Variants in CAMK1D observed in about 807,000 individuals in gnomAD.
The protein encoded by CAMK1D is calcium/calmodulin dependent protein kinase ID.
In CAMK1D, 9 loss-of-function variants were observed where a neutral mutation model predicts 47.7. The ratio of observed to expected loss-of-function variants is 0.19; its 90% CI spans 0.11 to 0.33. CAMK1D has a LOEUF of 0.33. CAMK1D is among the 10% of genes least tolerant of loss of function. The pLI is 1.00. For missense variants in CAMK1D, 291 were observed against 488.7 expected (o/e 0.60, Z 3.81); for synonymous variants, 184 against 184.9 (o/e 0.99, Z 0.04).
At chr10:12,431,818 T>C (rs1009631062) in intron 1 of CAMK1D, among the ~76,000 whole-genome samples, 6 of 152,228 alleles carry the variant, frequency 3.9e-5, no homozygotes, top group African/African-American at 1.2e-4. Context: ...ATTTTAAGAT[T>C]TACAACCTTC....
intron 2 of CAMK1D, among the ~76,000 whole-genome samples, chr10:12,653,689 G>T (rs1183754921): frequency 6.6e-6 from 1 of 152,222 alleles, no homozygotes; most frequent in Non-Finnish European, 1.5e-5. Flanking sequence ...ACTGAAATTA[G>T]ATGGTTGTTC....
At chr10:12,626,462 A>G (rs1301244835) in intron 2 of CAMK1D, among the ~76,000 whole-genome samples, 1 of 143,312 alleles carries the variant, frequency 7.0e-6, no homozygotes, top group African/African-American at 2.5e-5. Flanking sequence ...GTATTCACCA[A>G]TTTTCTTTCT....
intron 1 of CAMK1D, among the ~76,000 whole-genome samples, chr10:12,521,552 T>C (rs1444637566): frequency 6.6e-6 from 1 of 152,224 alleles, no homozygotes; most frequent in Non-Finnish European, 1.5e-5. Flanking sequence ...CATGTGTGCT[T>C]AAAAAGACTT....
At chr10:12,446,313 AATTATTCATGCCT>A (rs1832924046) in intron 1 of CAMK1D, among the ~76,000 whole-genome samples, 3 of 152,176 alleles carry the variant, frequency 2.0e-5, no homozygotes, top group Non-Finnish European at 2.9e-5. Context: ...ACAAGGGGTG[AATTATTCATGCCT>A]CCCCTTTTTA....
At chr10:12,780,609 C>G (rs1016585782) in intron 5 of CAMK1D, among the ~76,000 whole-genome samples, 1 of 152,134 alleles carries the variant, frequency 6.6e-6, no homozygotes, top group Non-Finnish European at 1.5e-5. Context: ...TTCCCCATAG[C>G]GCCTCTGTTC....
chr10:12,653,958 A>G (rs1249229566), intron 2 of CAMK1D, among the ~76,000 whole-genome samples: 6 of 152,210 alleles, frequency 3.9e-5, no homozygotes, highest in Admixed American at 6.5e-5. Context: ...GTTGTGAAAT[A>G]TGGACCCTTC....
intron 10 of CAMK1D, 156 bp downstream of exon 10, chr10:12,825,846 T>C (rs1674613565): frequency 7.9e-7 from 1 of 1,271,590 alleles, no homozygotes; most frequent in East Asian, 2.4e-5. Context: ...TTTTAACATG[T>C]AATCACTGGG....
At chr10:12,718,843 A>G (rs1834257916) in intron 3 of CAMK1D, among the ~76,000 whole-genome samples, 1 of 152,000 alleles carries the variant, frequency 6.6e-6, no homozygotes, top group East Asian at 1.9e-4. Flanking sequence ...GTACCTTATC[A>G]GTCTCATAAC....
chr10:12,397,302 A>G (rs1026626540), intron 1 of CAMK1D, among the ~76,000 whole-genome samples: 2 of 152,260 alleles, frequency 1.3e-5, no homozygotes, highest in Non-Finnish European at 2.9e-5. Context: ...TAGGATGGCC[A>G]TGACCTTTGG....
chr10:12,596,483 T>G (rs920259666), intron 2 of CAMK1D, among the ~76,000 whole-genome samples: 2 of 152,188 alleles, frequency 1.3e-5, no homozygotes, highest in African/African-American at 4.8e-5. Flanking sequence ...TCATTTGGCT[T>G]ACCTAGGAAC....
intron 1 of CAMK1D, among the ~76,000 whole-genome samples, chr10:12,356,016 G>A (rs1030577554): frequency 6.6e-5 from 10 of 152,138 alleles, no homozygotes; most frequent in African/African-American, 1.2e-4. Context: ...AGACTCTTCC[G>A]GTCAAAGGCG....
intron 1 of CAMK1D, among the ~76,000 whole-genome samples, chr10:12,372,531 A>G (rs1199929166): frequency 3.3e-5 from 5 of 152,236 alleles, no homozygotes; most frequent in African/African-American, 1.2e-4. Flanking sequence ...ACAGGGACCC[A>G]TGTCCCCACC....
At chr10:12,663,925 AT>A (rs1017434983) in intron 2 of CAMK1D, among the ~76,000 whole-genome samples, 5 of 152,180 alleles carry the variant, frequency 3.3e-5, no homozygotes, top group East Asian at 1.9e-4. Context: ...GGCCAGAATA[AT>A]TTTTTTTAAC....
At chr10:12,458,880 C>CTTTTTTT (rs35804649) in intron 1 of CAMK1D, among the ~76,000 whole-genome samples, 1 of 120,680 alleles carries the variant, frequency 8.3e-6, no homozygotes, top group African/African-American at 3.1e-5. Flanking sequence ...CCTTTCTTTC[C>CTTTTTTT]TTTTTTTTTT....
intron 1 of CAMK1D, among the ~76,000 whole-genome samples, chr10:12,500,520 G>A (rs192280101): frequency 2.6e-5 from 4 of 152,204 alleles, no homozygotes; most frequent in Non-Finnish European, 1.5e-5. Context: ...CATTGCCAGG[G>A]CTGGGTGTCA....
chr10:12,569,629 G>C (rs1837255669), intron 2 of CAMK1D, among the ~76,000 whole-genome samples: 1 of 149,868 alleles, frequency 6.7e-6, no homozygotes, highest in African/African-American at 2.5e-5. Context: ...TGAGGCAGGA[G>C]AATGGCGTGA....
At chr10:12,767,097 G>A (rs963476577) in intron 4 of CAMK1D, among the ~76,000 whole-genome samples, 6 of 152,174 alleles carry the variant, frequency 3.9e-5, no homozygotes, top group East Asian at 1.9e-4. Context: ...ACAACAGGCC[G>A]AGGACCACTT....
chr10:12,541,310 G>A (rs550686865), intron 1 of CAMK1D, among the ~76,000 whole-genome samples: 4 of 152,232 alleles, frequency 2.6e-5, no homozygotes, highest in Admixed American at 1.3e-4. Flanking sequence ...GGAGAGTTGC[G>A]TACACATTGA....
chr10:12,711,096 G>T (rs1833919922), intron 3 of CAMK1D, among the ~76,000 whole-genome samples: 1 of 152,130 alleles, frequency 6.6e-6, no homozygotes, highest in Non-Finnish European at 1.5e-5. Context: ...TCTATTTCTT[G>T]GTATTAATTT....
Sources: gnomAD v4.1 joint callset for allele counts (sites outside exome capture counted in the v4.1 genomes callset) on GRCh38, gnomAD v4.1.1 for gene constraint, MANE v1.5 for transcripts, NCBI Gene and HGNC (gene_info 2026-07-23, HGNC 2026-07-21) for gene names.